LAMA5: variants seen among roughly 807,000 people sequenced by gnomAD.
LAMA5 encodes the protein laminin subunit alpha 5, also known as laminin subunit alpha-5.
LAMA5 carries 260 observed loss-of-function variants against 433.4 expected under a neutral mutation model. The observed-to-expected ratio is 0.60, with a 90% CI of 0.54 to 0.66. LAMA5 has a LOEUF of 0.66. Ranked by LOEUF, LAMA5 falls within the 30% of genes least tolerant of loss-of-function variation. LAMA5 has a pLI of 0.00. For missense variants in LAMA5, 5,378 were observed against 5,258.5 expected (o/e 1.02, Z -0.70); for synonymous variants, 2,620 against 2,226.6 (o/e 1.18, Z -4.97).
rs148692302 is a variant in LAMA5 at position 62,325,522 on chromosome 20, G to C, written c.5323C>G (p.Arg1775Gly). ...AGCTCCTCGCGGGACACAGTGTTGC[G>C]CGTCTCCGTATGCCGGAAGTTCCCC... The part of the protein sequence containing the change: ...VEGNFRHTET[R>G]NTVSREELMM... Residue 1775 changes from arginine (R) to glycine (G), a missense_variant, in exon 41 of 80, where the codon CGC becomes GGC. Arg to Gly is a moderately radical substitution (Grantham distance 125). Transcript: ENST00000252999. The C allele has an allele frequency of 1.9e-6, 3 of 1,611,262 alleles. No individual in the cohort carries two copies. Among genetic ancestry groups the C allele is most frequent in the Non-Finnish European group, 2.5e-6 (3 of 1,178,912 alleles).
chr20:62,314,984 C>A (rs772938836), intron 59 of LAMA5, 37 bp from the exon 60 acceptor site: 2 of 1,576,004 alleles, frequency 1.3e-6, no homozygotes, highest in Non-Finnish European at 1.7e-6. Context: ...TGCCCCCCAC[C>A]GTGCCCGCCT....
chr20:62,327,030 C>T (rs13040700), intron 38 of LAMA5, 64 bp from the exon 39 acceptor site: 36,262 of 1,290,454 alleles, frequency 0.028, 567 homozygotes, highest in Non-Finnish European at 0.032. Flanking sequence ...AGCCCGTCAG[C>T]AGTGGTCTGG....
In LAMA5 at chr20:62,362,514, G is replaced by A. The variant is rs985192340; in HGVS notation, c.336C>T (p.Asn112=). Residue 112 remains asparagine, a synonymous_variant, in exon 2 of 80, where the codon AAC becomes AAT. Transcript: ENST00000252999. ...TGGCATTGCTCGCGGGGTGTGCCTT[G>A]TTGCTGTTGGCAGCCGTGCAGATGT... ...YCDICTAANS[N]KAHPASNAID... is the part of the protein sequence containing the mutation. 5 of 1,601,840 alleles carry A rather than the reference G, an allele frequency of 3.1e-6. No homozygotes were observed. The highest frequency in any genetic ancestry group is 4.3e-6 in the Non-Finnish European group (5 of 1,173,478).
intron 17 of LAMA5, 49 bp from the exon 18 acceptor site, chr20:62,336,494 C>G: frequency 6.7e-7 from 1 of 1,493,958 alleles, no homozygotes. Context: ...TGCTCTCCCA[C>G]CCACAAACCA....
chr20:62,338,073 CAA>C lies in LAMA5; in HGVS notation c.1832_1833del (p.Phe611CysfsTer6). The C allele has an allele frequency of 6.2e-7, 1 of 1,605,276 alleles. No homozygotes were observed. The highest frequency in any genetic ancestry group is 8.5e-7 in the Non-Finnish European group (1 of 1,175,562). ...CGGCACCGGTCACAATGAGGTCCAG[CAA>C]ACTCAGGCTGGCATAGGCAGCGGCC... ...EAGRCLCQPE[F>X]AGPHCDRCRP... On this transcript the variant is annotated frameshift_variant, in exon 14 of 80. Transcript: ENST00000252999. LOFTEE classifies it high-confidence loss of function.
At chr20:62,337,418 A>C (rs1036771761) in intron 16 of LAMA5, among the ~76,000 whole-genome samples, 172 bp downstream of exon 16, 2 of 152,256 alleles carry the variant, frequency 1.3e-5, no homozygotes, top group African/African-American at 4.8e-5. Flanking sequence ...CAGTACGCGG[A>C]CACCCCTGCA....
intron 12 of LAMA5, 41 bp downstream of exon 12, chr20:62,338,427 C>T: frequency 1.2e-6 from 2 of 1,607,862 alleles, no homozygotes; most frequent in Non-Finnish European, 1.7e-6. Context: ...AGGTGTCCAC[C>T]TCGAGCGCAG....
intron 2 of LAMA5, among the ~76,000 whole-genome samples, chr20:62,361,595 G>A (rs508216): frequency 0.026 from 3,895 of 152,340 alleles, 76 homozygotes; most frequent in Non-Finnish European, 0.041. Flanking sequence ...GGGCAGCGGC[G>A]GAGCCGGCTG....
In LAMA5 at chr20:62,333,618, A is replaced by T. The variant is rs1399928530; in HGVS notation, c.2967T>A (p.Phe989Leu). 1.8e-5 allele frequency: 29 copies of T among 1,579,766 alleles called. No homozygotes were observed. The highest frequency in any genetic ancestry group is 2.5e-5 in the Non-Finnish European group (29 of 1,163,494). The change falls in exon 24 of 80, where the codon TTT becomes TTA. Residue 989 changes from phenylalanine (F) to leucine (L), a missense_variant. By Grantham distance (22) the Phe-to-Leu change is conservative (BLOSUM62 0). Coordinates refer to ENST00000252999, the MANE Select transcript of LAMA5 (RefSeq NM_005560.6). ...TVPQRGFGEP[F>L]VLNPGTWALR... ...GGGCCCAGGTGCCAGGGTTCAGCAC[A>T]AAGGGCTCTCCGAAGCCCCTCTGGG... is the stretch of plus-strand genomic sequence containing the variant.
Position 62,322,691 on chromosome 20 carries a change from C to T in LAMA5, c.6132G>A (p.Ala2044=), listed in dbSNP as rs780216472. ...DPHSGHCLCK[A]GVTGRRCDRC... is the part of the protein sequence containing the mutation. Reference sequence around the variant, plus strand: ...GGTCACAGCGCCGCCCAGTCACGCCCGCCTTGCACAGGCAGTGCCCGCTGT... The same window carrying T: ...GGTCACAGCGCCGCCCAGTCACGCCTGCCTTGCACAGGCAGTGCCCGCTGT... The change falls in exon 46 of 80, where the codon GCG becomes GCA. Residue 2044 remains alanine (A), a synonymous_variant. Coordinates refer to ENST00000252999, the MANE Select transcript of LAMA5 (RefSeq NM_005560.6). 75 of 1,547,902 alleles carry T rather than the reference C, an allele frequency of 4.8e-5. No homozygotes were observed. The highest frequency in any genetic ancestry group is 1.2e-4 in the East Asian group (5 of 41,094).
rs200558507 is a variant in LAMA5, at chr20:62,367,030, GCCGCGCGCC to G, written c.207_215del (p.Ala70_Gly72del). 4.1e-3 allele frequency: 5,259 copies of G among 1,272,710 alleles called. 145 individuals carry two copies. The African/African-American group carries it at 0.062, about 15-fold the overall frequency. The allele number at this position is 1,272,710 out of a possible 1,614,324, so 78.8% of individuals were successfully genotyped here. The stretch of plus-strand genomic sequence containing the variant: ...AAAGGTCCTCGGTGGGGCGCGGGGA[GCCGCGCGCC>G]GGGGCCTCCTCTCCGCAGGTCGCGG... On this transcript the variant is annotated inframe_deletion, in exon 1 of 80. Coordinates refer to ENST00000252999, the MANE Select transcript of LAMA5 (RefSeq NM_005560.6).
At chr20:62,334,497 C>G (rs1038416079) in intron 21 of LAMA5, 25 bp downstream of exon 21, 39 of 1,537,200 alleles carry the variant, frequency 2.5e-5, no homozygotes, top group Non-Finnish European at 3.2e-5. Context: ...CGCTCCCCAC[C>G]ACCCAGTGGG....
rs1987598400 is a variant in LAMA5 at position 62,320,666 on chromosome 20, G to A, written c.6652C>T (p.Gln2218Ter). Residue 2218 changes from glutamine to a stop codon, truncating the protein, a stop_gained, in exon 50 of 80, where the codon CAG becomes TAG. Transcript: ENST00000252999. LOFTEE classifies it high-confidence loss of function. ...CGGGGGCCCAGGGGGCTCCGGAGCT[G>A]GCTCTGTGGGAGGCGAAAGGTGAAG... ...LNASIADLQS[Q>*]LRSPLGPRHE... 6.2e-7 allele frequency: 1 copy of A among 1,609,926 alleles called. No individual in the cohort carries two copies. Among genetic ancestry groups the A allele is most frequent in the East Asian group, 2.2e-5 (1 of 44,808 alleles).
chr20:62,320,448 C>A (rs1184086310), intron 50 of LAMA5, 111 bp downstream of exon 50: 1 of 783,368 alleles, frequency 1.3e-6, no homozygotes, highest in Non-Finnish European at 2.1e-6. Flanking sequence ...CTGTCCCCTG[C>A]ACTGACACAT....
intron 67 of LAMA5, 39 bp from the exon 68 acceptor site, chr20:62,312,571 C>T (rs1451931452): frequency 1.9e-6 from 3 of 1,598,988 alleles, no homozygotes; most frequent in Non-Finnish European, 2.5e-6. Flanking sequence ...GCGCCACCTC[C>T]AAGCCCAGCC....
Position 62,315,119 on chromosome 20 carries a change from G to C in LAMA5, c.7956C>G (p.Ala2652=), listed in dbSNP as rs200373075. The change falls in exon 59 of 80, where the codon GCC becomes GCG. Residue 2652 remains alanine (A), a synonymous_variant. Coordinates refer to ENST00000252999, the MANE Select transcript of LAMA5 (RefSeq NM_005560.6). ...GCCACCGCTCCACATTCTCCTGCAT[G>C]GCCTGCAGCTGGGACTGCACACGGG... ...TATRVQSQLQ[A]MQENVERWQG... 15 of 1,609,078 alleles carry C rather than the reference G, an allele frequency of 9.3e-6. No homozygotes were observed. Among genetic ancestry groups the C allele is most frequent in the Admixed American group, 5.0e-5 (3 of 59,932 alleles).
chr20:62,311,816 T>TGCCCCCC, intron 70 of LAMA5, 32 bp from the exon 71 acceptor site: 6 of 1,520,980 alleles, frequency 3.9e-6, no homozygotes, highest in African/African-American at 2.8e-5. Context: ...GCTCGGTTTT[T>TGCCCCCC]CCCCACCCTG....
rs1317448007 is a variant in LAMA5 at position 62,317,507 on chromosome 20, T to C, written c.7357-8A>G. On this transcript the variant is annotated splice_polypyrimidine_tract_variant and splice_region_variant and intron_variant, in intron 54 of 79. Transcript: ENST00000252999. Reference sequence around the variant, plus strand: ...GGCGAGGCGCTCCAGCTCCTGGAATTTGAGTGGACTTAGCCCCTCATCCTG... The same window carrying C: ...GGCGAGGCGCTCCAGCTCCTGGAATCTGAGTGGACTTAGCCCCTCATCCTG... 2.6e-6 allele frequency: 4 copies of C among 1,538,700 alleles called. No individual in the cohort carries two copies. In the South Asian group the frequency reaches 5.0e-5, roughly 19 times the overall value.
chr20:62,327,884 T>G lies in LAMA5; in HGVS notation c.4779A>C (p.Thr1593=). ...CACTCACCTTACAGTAGCACTGCCC[T>G]GTGAGGGGGTCACACACGCCAGGCG... ...GTAPGVCDPL[T]GQCYCKENVQ... is the part of the protein sequence containing the mutation. The change falls in exon 36 of 80, where the codon ACA becomes ACC. Residue 1593 remains threonine (T), a synonymous_variant. Coordinates refer to ENST00000252999, the MANE Select transcript of LAMA5 (RefSeq NM_005560.6). 6.2e-7 allele frequency: 1 copy of G among 1,610,416 alleles called. No homozygotes were observed. Among genetic ancestry groups the G allele is most frequent in the Non-Finnish European group, 8.5e-7 (1 of 1,179,176 alleles).
Sources: allele counts gnomAD v4.1 joint callset (sites outside exome capture counted in the v4.1 genomes callset), GRCh38; gene constraint gnomAD v4.1.1; transcripts MANE v1.5; gene names NCBI Gene and HGNC (gene_info 2026-07-23, HGNC 2026-07-21).